Variants in FBXO45 observed in about 807,000 individuals in gnomAD.
FBXO45 encodes F-box/SPRY domain-containing protein 1.
Under a neutral mutation model 25.5 loss-of-function variants are expected in FBXO45, and 3 were observed. The ratio of observed to expected loss-of-function variants is 0.12; its 90% CI spans 0.05 to 0.30. The LOEUF (loss-of-function observed/expected upper bound fraction) is 0.30. Ranked by LOEUF, FBXO45 falls within the 10% of genes least tolerant of loss-of-function variation. The pLI is 1.00. For missense variants in FBXO45, 219 were observed against 365.0 expected (o/e 0.60, Z 3.26); for synonymous variants, 155 against 149.8 (o/e 1.03, Z -0.25).
At chr3:196,575,329 G>T (rs977729267) in intron 1 of FBXO45, among the ~76,000 whole-genome samples, 2 of 151,896 alleles carry the variant, frequency 1.3e-5, no homozygotes, top group Admixed American at 6.6e-5. Context: ...GGTGGTGCAC[G>T]TCTGTAATCC....
At position 196,569,372 on chromosome 3, in the gene FBXO45, C is replaced by G. The variant is rs1010866451; in HGVS notation, c.318+70C>G. On this transcript the variant is annotated intron_variant, in intron 1 of 2. Coordinates refer to ENST00000311630, the MANE Select transcript of FBXO45 (RefSeq NM_001105573.2). The surrounding 1 kb of genome is among the most constrained non-coding windows in gnomAD (Gnocchi z 4.1). Reference sequence around the variant, plus strand: ...CGGCGTCGTTCGCGGTGTTTCTCATCCGAGCTTCTGAGTCAGAAGCTTCGC... The same window carrying G: ...CGGCGTCGTTCGCGGTGTTTCTCATGCGAGCTTCTGAGTCAGAAGCTTCGC... 7.1e-7 allele frequency: 1 copy of G among 1,411,250 alleles called. No individual in the cohort carries two copies. Among genetic ancestry groups the G allele is most frequent in the Non-Finnish European group, 9.5e-7 (1 of 1,057,758 alleles). The allele number at this position is 1,411,250 out of a possible 1,614,324, so 87.4% of individuals were successfully genotyped here.
intron 1 of FBXO45, among the ~76,000 whole-genome samples, chr3:196,572,454 A>G (rs962508265): frequency 6.6e-6 from 1 of 152,224 alleles, no homozygotes; most frequent in Non-Finnish European, 1.5e-5. Flanking sequence ...AGATCCATGT[A>G]CTGAGACCTG....
In FBXO45 at chr3:196,576,634, C is replaced by T. The variant is rs1210858170; in HGVS notation, c.319-819C>T. On this transcript the variant is annotated intron_variant, in intron 1 of 2. Coordinates refer to ENST00000311630, the MANE Select transcript of FBXO45 (RefSeq NM_001105573.2). ...TGTATAGAAGAGCTATTTTCATACC[C>T]TCTTTATTTTGGAAGTGTAAACCTT... is the stretch of plus-strand genomic sequence containing the variant. Among the ~76,000 whole-genome samples, 3 of 152,308 alleles carry T rather than the reference C, an allele frequency of 2.0e-5. No homozygotes were observed. The East Asian group carries it at 5.8e-4, about 29-fold the overall frequency.
In FBXO45 at chr3:196,569,317, G is replaced by C. The variant is rs779052997; in HGVS notation, c.318+15G>C. The C allele has an allele frequency of 2.8e-5, 43 of 1,512,020 alleles. No individual in the cohort carries two copies. The highest frequency in any genetic ancestry group is 3.5e-4 in the Middle Eastern group (2 of 5,728). 93.7% of individuals were successfully genotyped at this position (1,512,020 alleles called of 1,614,324 possible). ...ACAAGGCCAAGGTGAGAGAGCCCCG[G>C]GCCACACCGCTGCCCCCAGTCCCGC... On this transcript the variant is annotated intron_variant, in intron 1 of 2. Coordinates refer to ENST00000311630, the MANE Select transcript of FBXO45 (RefSeq NM_001105573.2). The surrounding 1 kb of genome is among the most constrained non-coding windows in gnomAD (Gnocchi z 4.1).
In FBXO45 at chr3:196,570,759, T is replaced by TGGAGTGCA. The variant is rs574285467; in HGVS notation, c.318+1459_318+1466dup. ...CGGAGTCTCGCTCTGTCACCCAGGC[T>TGGAGTGCA]GGAGTGCAGTGGCGGGATCTCAGCT... On this transcript the variant is annotated intron_variant, in intron 1 of 2. Transcript: ENST00000311630. 6.2e-3 allele frequency among the ~76,000 whole-genome samples: 918 copies of TGGAGTGCA among 147,792 alleles called. 12 individuals carry two copies. The highest frequency in any genetic ancestry group is 0.022 in the African/African-American group (885 of 39,794).
At chr3:196,576,845 A>G (rs1003128673) in intron 1 of FBXO45, among the ~76,000 whole-genome samples, 1 of 152,178 alleles carries the variant, frequency 6.6e-6, no homozygotes, top group Non-Finnish European at 1.5e-5. Context: ...GTTTACTAAA[A>G]TTTTTCATAA....
At chr3:196,583,905 C>T (rs1736060511) in intron 2 of FBXO45, among the ~76,000 whole-genome samples, 1 of 152,214 alleles carries the variant, frequency 6.6e-6, no homozygotes, top group Non-Finnish European at 1.5e-5. Context: ...ATCCGCCCGC[C>T]TCAGCCTCCC....
At chr3:196,578,332 G>A (rs1412444541) in intron 2 of FBXO45, among the ~76,000 whole-genome samples, 1 of 152,066 alleles carries the variant, frequency 6.6e-6, no homozygotes, top group Admixed American at 6.6e-5. Context: ...ACCATGCCCA[G>A]CCTCAAGGAG....
intron 2 of FBXO45, among the ~76,000 whole-genome samples, chr3:196,580,155 G>A (rs957853312): frequency 2.7e-5 from 4 of 150,508 alleles, no homozygotes; most frequent in Non-Finnish European, 5.9e-5. Context: ...TCTAAACCAC[G>A]CCCGGCTAAT....
In FBXO45 at chr3:196,577,254, C is replaced by T. The variant is rs867580188; in HGVS notation, c.319-199C>T. On this transcript the variant is annotated intron_variant, in intron 1 of 2. Transcript: ENST00000311630. Reference sequence around the variant, plus strand: ...TTTAAAATTTTGGTCAGTGATGAAACGGTTGGCATTTATTTTTTAATGTTA... The same window carrying T: ...TTTAAAATTTTGGTCAGTGATGAAATGGTTGGCATTTATTTTTTAATGTTA... Among the ~76,000 whole-genome samples, 5 of 140,080 alleles carry T rather than the reference C, an allele frequency of 3.6e-5. No homozygotes were observed. The East Asian group carries it at 8.7e-4, about 24-fold the overall frequency. 91.9% of individuals were successfully genotyped at this position (140,080 alleles called of 152,430 possible).
chr3:196,582,667 A>C (rs961635281), intron 2 of FBXO45, among the ~76,000 whole-genome samples: 4 of 151,350 alleles, frequency 2.6e-5, no homozygotes, highest in Admixed American at 6.6e-5. Flanking sequence ...AACTGGATAT[A>C]TTCTGCTTCC....
rs141220634 is a variant in FBXO45, at chr3:196,574,634, T to C, written c.319-2819T>C. 6.4e-3 allele frequency among the ~76,000 whole-genome samples: 975 copies of C among 152,304 alleles called. 17 individuals are homozygous for C. Among genetic ancestry groups the C allele is most frequent in the African/African-American group, 0.022 (921 of 41,568 alleles). On this transcript the variant is annotated intron_variant, in intron 1 of 2. Transcript: ENST00000311630. ...CTATTTCCTACTGAGGTGTGATCAA[T>C]TTAGATTAGATTAGATTTTTTTTGC...
intron 1 of FBXO45, 84 bp from the exon 2 acceptor site, chr3:196,577,369 A>G: frequency 9.7e-7 from 1 of 1,035,490 alleles, no homozygotes; most frequent in Non-Finnish European, 1.4e-6. Context: ...TTATTTAAAA[A>G]CATACAGCGT....
chr3:196,573,576 C>T (rs1477472149), intron 1 of FBXO45, among the ~76,000 whole-genome samples: 1 of 152,066 alleles, frequency 6.6e-6, no homozygotes, highest in Non-Finnish European at 1.5e-5. Context: ...TCGTAGAAAA[C>T]AATATACATA....
At chr3:196,581,673 A>G (rs7652578) in intron 2 of FBXO45, among the ~76,000 whole-genome samples, 4,105 of 152,256 alleles carry the variant, frequency 0.027, 151 homozygotes, top group African/African-American at 0.083. Context: ...GACCACTTGG[A>G]TTCAGCTTCT....
intron 1 of FBXO45, among the ~76,000 whole-genome samples, chr3:196,574,547 ACT>A: frequency 6.6e-6 from 1 of 152,110 alleles, no homozygotes; most frequent in South Asian, 2.1e-4. Context: ...AAGGTGGTTT[ACT>A]CTCAGCTCGA....
At chr3:196,570,017 C>A (rs757566411) in intron 1 of FBXO45, among the ~76,000 whole-genome samples, 17 of 152,164 alleles carry the variant, frequency 1.1e-4, no homozygotes, top group African/African-American at 3.9e-4. Context: ...TACAGTTTCG[C>A]TGCATCCTTC....
rs1349895648 is a variant in FBXO45, at chr3:196,586,112, G to A, written c.*1794G>A. ...TTAAATGTATTAGAGAATGTAGGTGGTATAGAAATTGATTTTTCTTGGTGT... is the reference window on the plus strand; with the variant it reads ...TTAAATGTATTAGAGAATGTAGGTGATATAGAAATTGATTTTTCTTGGTGT... On this transcript the variant is annotated 3_prime_UTR_variant, in exon 3 of 3. Coordinates refer to ENST00000311630, the MANE Select transcript of FBXO45 (RefSeq NM_001105573.2). 1 of 152,180 alleles carries A rather than the reference G, an allele frequency of 6.6e-6. No individual in the cohort carries two copies. Among genetic ancestry groups the A allele is most frequent in the Non-Finnish European group, 1.5e-5 (1 of 68,020 alleles). 9.4% of individuals were successfully genotyped at this position (152,180 alleles called of 1,614,324 possible).
rs1736158265 is a variant in FBXO45 at position 196,587,516 on chromosome 3, G to A, written c.*3198G>A. On this transcript the variant is annotated 3_prime_UTR_variant, in exon 3 of 3. Transcript: ENST00000311630. ...TGGAGAAAGAGTTTCAAAAATAGCA[G>A]AGCCCTAAACCATAAAGAAACTACT... The A allele has an allele frequency of 6.6e-6, 1 of 152,188 alleles. No individual in the cohort carries two copies. Among genetic ancestry groups the A allele is most frequent in the Non-Finnish European group, 1.5e-5 (1 of 68,032 alleles). The allele number at this position is 152,188 out of a possible 1,614,324, so 9.4% of individuals were successfully genotyped here. A position where few individuals can be genotyped will look rare whatever the true frequency, so the allele number is the denominator to read the frequency against.
Sources: allele counts gnomAD v4.1 joint callset (sites outside exome capture counted in the v4.1 genomes callset), GRCh38; gene constraint gnomAD v4.1.1; non-coding constraint Gnocchi (gnomAD v3.1); transcripts MANE v1.5; gene names NCBI Gene and HGNC (gene_info 2026-07-23, HGNC 2026-07-21).